CFAP46: variants seen among roughly 807,000 people sequenced by gnomAD.
The protein encoded by CFAP46 is cilia- and flagella-associated protein 46.
A neutral mutation model predicts 325.7 loss-of-function variants in CFAP46; 245 were observed. The ratio of observed to expected loss-of-function variants is 0.75; its 90% CI spans 0.68 to 0.84. The LOEUF (loss-of-function observed/expected upper bound fraction) is 0.84, where lower values mean the gene tolerates loss of function less well. Ranked by LOEUF, CFAP46 falls within the 40% of genes least tolerant of loss-of-function variation. CFAP46 has a pLI of 0.00. For missense variants in CFAP46, 3,346 were observed against 3,543.0 expected (o/e 0.94, Z 1.41); for synonymous variants, 1,523 against 1,495.9 (o/e 1.02, Z -0.42).
intron 50 of CFAP46, among the ~76,000 whole-genome samples, chr10:132,823,997 TTGTGCTGTGTGTGTGCTG>T (rs1331399403): frequency 1.4e-5 from 1 of 69,154 alleles, no homozygotes; most frequent in Non-Finnish European, 2.7e-5. Flanking sequence ...TGCTGCTTGT[TTGTGCTGTGTGTGTGCTG>T]TGTGCTGTGT....
chr10:132,855,315 G>C (rs555146290), intron 39 of CFAP46, among the ~76,000 whole-genome samples: 98 of 152,136 alleles, frequency 6.4e-4, no homozygotes, highest in Non-Finnish European at 1.1e-3. Context: ...TTCCAAAATC[G>C]GCTGTGTGTG....
chr10:132,867,344 G>A (rs982751903), intron 34 of CFAP46, 31 bp downstream of exon 34: 14 of 1,534,160 alleles, frequency 9.1e-6, no homozygotes, highest in Admixed American at 4.2e-5. Flanking sequence ...GCTGGGCTGC[G>A]GGTCAGAGGG....
At chr10:132,917,692 C>T (rs1410430852) in intron 16 of CFAP46, among the ~76,000 whole-genome samples, 1 of 152,176 alleles carries the variant, frequency 6.6e-6, no homozygotes, top group African/African-American at 2.4e-5. Context: ...AGAAAATCTC[C>T]CAAGAATCCA....
rs1249982352 is a variant in CFAP46 at position 132,808,960 on chromosome 10, C to T, written c.7665-56G>A. ...CCGAGGCCCCGCAGGACGTCCAGCC[C>T]GGTGAGGACCAGGGCACAGGGGCGG... is the stretch of plus-strand genomic sequence containing the variant. On this transcript the variant is annotated intron_variant, in intron 57 of 57. Transcript: ENST00000368586. This position sits in a 1 kb window ranked among gnomAD's most constrained non-coding sequence, Gnocchi z 6.8. 1.3e-5 allele frequency: 19 copies of T among 1,490,430 alleles called. No individual in the cohort carries two copies. The highest frequency in any genetic ancestry group is 2.2e-4 in the Middle Eastern group (1 of 4,448). The allele number at this position is 1,490,430 out of a possible 1,614,324, so 92.3% of individuals were successfully genotyped here.
At position 132,817,780 on chromosome 10, in the gene CFAP46, A is replaced by G. The variant is rs1847721458; in HGVS notation, c.7118-2866T>C. Reference sequence around the variant, plus strand: ...TTTGTGTGGCTGCTGTTAACCAATTACTACAAAACGCAGGCTTGATGTGGC... The same window carrying G: ...TTTGTGTGGCTGCTGTTAACCAATTGCTACAAAACGCAGGCTTGATGTGGC... On this transcript the variant is annotated intron_variant, in intron 50 of 57. Coordinates refer to ENST00000368586, the MANE Select transcript of CFAP46 (RefSeq NM_001200049.3). This position sits in a 1 kb window ranked among gnomAD's most constrained non-coding sequence, Gnocchi z 4.4. Among the ~76,000 whole-genome samples, 1 of 152,228 alleles carries G rather than the reference A, an allele frequency of 6.6e-6. No homozygotes were observed. The highest frequency in any genetic ancestry group is 1.5e-5 in the Non-Finnish European group (1 of 68,052).
intron 4 of CFAP46, 40 bp downstream of exon 4, chr10:132,940,956 C>T (rs755480080): frequency 6.3e-6 from 10 of 1,599,320 alleles, no homozygotes; most frequent in Non-Finnish European, 8.6e-6. Flanking sequence ...TGAAGTCTTT[C>T]ACCCAGTCAG....
chr10:132,878,245 G>C (rs1228521642), intron 29 of CFAP46, among the ~76,000 whole-genome samples, 158 bp from the exon 30 acceptor site: 1 of 152,222 alleles, frequency 6.6e-6, no homozygotes, highest in African/African-American at 2.4e-5. Context: ...CATCAGGGGA[G>C]CCCCTAGAGC....
At chr10:132,850,189 A>G (rs1348825283) in intron 41 of CFAP46, 55 bp downstream of exon 41, 11 of 1,521,306 alleles carry the variant, frequency 7.2e-6, no homozygotes, top group Non-Finnish European at 9.8e-6. Flanking sequence ...TGTGTTTTTC[A>G]GGCACGGGTG....
At chr10:132,842,881 C>T (rs2135070517) in intron 44 of CFAP46, among the ~76,000 whole-genome samples, 1 of 152,292 alleles carries the variant, frequency 6.6e-6, no homozygotes, top group African/African-American at 2.4e-5. Context: ...CCATGATAAC[C>T]ATAATCCATT....
intron 28 of CFAP46, among the ~76,000 whole-genome samples, 152 bp downstream of exon 28, chr10:132,880,709 G>A (rs1849028515): frequency 6.6e-6 from 1 of 150,956 alleles, no homozygotes; most frequent in Non-Finnish European, 1.5e-5. Flanking sequence ...AGGGGCCCCT[G>A]CAGAGGACAG....
chr10:132,935,400 AGCACCCAAACACACTGAGATCTTCTCAT>A (rs1849979464), intron 7 of CFAP46, among the ~76,000 whole-genome samples: 1 of 135,946 alleles, frequency 7.4e-6, no homozygotes. Flanking sequence ...CACTCCCCTC[AGCACCCAAACACACTGAGATCTTCTCAT>A]TCCCCTCAGC....
At chr10:132,909,358 A>G (rs1849506734) in intron 20 of CFAP46, 114 bp from the exon 21 acceptor site, 1 of 747,912 alleles carries the variant, frequency 1.3e-6, no homozygotes, top group Non-Finnish European at 2.3e-6. Flanking sequence ...AGACCACAAA[A>G]TTGGGAGCGT....
At chr10:132,861,663 C>T (rs1848722749) in intron 35 of CFAP46, among the ~76,000 whole-genome samples, 1 of 152,214 alleles carries the variant, frequency 6.6e-6, no homozygotes, top group Non-Finnish European at 1.5e-5. Context: ...AGGTGCTGGT[C>T]AGAGGGTGAG....
At chr10:132,936,500 A>C (rs1334752727) in intron 7 of CFAP46, among the ~76,000 whole-genome samples, 9 of 95,092 alleles carry the variant, frequency 9.5e-5, no homozygotes, top group South Asian at 3.5e-4. Context: ...TGATCTCCTC[A>C]CTCCCCTCGG....
chr10:132,937,729 T>C, intron 5 of CFAP46, 54 bp from the exon 6 acceptor site: 2 of 1,548,156 alleles, frequency 1.3e-6, no homozygotes, highest in Non-Finnish European at 1.7e-6. Flanking sequence ...TTTTCTCCTA[T>C]CTAATAACCA....
intron 27 of CFAP46, among the ~76,000 whole-genome samples, chr10:132,883,993 G>A (rs562010181): frequency 3.3e-5 from 5 of 152,314 alleles, no homozygotes; most frequent in Admixed American, 2.6e-4. Context: ...CTAAAAACAT[G>A]TTGTACCTCT....
At chr10:132,901,709 C>G (rs1374886600) in intron 22 of CFAP46, among the ~76,000 whole-genome samples, 1 of 152,120 alleles carries the variant, frequency 6.6e-6, no homozygotes, top group Admixed American at 6.5e-5. Flanking sequence ...TTTATGTTTA[C>G]CCCCAAATTT....
In CFAP46 at chr10:132,886,677, G is replaced by A. The variant is rs926340942; in HGVS notation, c.3305-718C>T. On this transcript the variant is annotated intron_variant, in intron 25 of 57. Transcript: ENST00000368586. This position sits in a 1 kb window ranked among gnomAD's most constrained non-coding sequence, Gnocchi z 5.8. ...GGGCCGCATCCCTCACACATCCCCA[G>A]TGAGCACAGAACCCAGCCCACTCTG... 8.5e-5 allele frequency among the ~76,000 whole-genome samples: 13 copies of A among 152,156 alleles called. 1 individual carries two copies. Among genetic ancestry groups the A allele is most frequent in the African/African-American group, 3.1e-4 (13 of 41,422 alleles).
intron 44 of CFAP46, among the ~76,000 whole-genome samples, chr10:132,844,002 G>C: frequency 8.7e-6 from 1 of 114,832 alleles, no homozygotes; most frequent in Non-Finnish European, 1.8e-5. Context: ...GTGTTCCCAG[G>C]GTGCTGTGGG....
Sources: gnomAD v4.1 joint callset for allele counts (sites outside exome capture counted in the v4.1 genomes callset) on GRCh38, gnomAD v4.1.1 for gene constraint, Gnocchi (gnomAD v3.1) non-coding constraint, MANE v1.5 for transcripts, NCBI Gene and HGNC (gene_info 2026-07-23, HGNC 2026-07-21) for gene names.